The following GPR179 variants were observed in gnomAD, a reference collection of about 807,000 sequenced individuals.
The protein encoded by GPR179 is G protein-coupled receptor 179, also known as probable G protein-coupled receptor 179.
Under a neutral mutation model 70.8 loss-of-function variants are expected in GPR179, and 52 were observed. The observed-to-expected ratio is 0.73, with a 90% CI of 0.59 to 0.93. The LOEUF is 0.93. Among genes scored for constraint, GPR179 ranks in the 40% least tolerant of loss-of-function variants. The probability of loss-of-function intolerance (pLI) is 0.00; values close to 1 mark genes in which losing one functional copy is unlikely to be tolerated. For missense variants in GPR179, 2,734 were observed against 2,966.8 expected, an observed-to-expected ratio of 0.92 and a Z score of 1.82; for synonymous variants, 1,123 against 1,169.0, an observed-to-expected ratio of 0.96 and a Z score of 0.80.
At chr17:38,337,799 G>T (rs930338647) in intron 2 of GPR179, 79 bp from the exon 3 acceptor site, 3 of 1,210,468 alleles carry the variant, frequency 2.5e-6, no homozygotes, top group Non-Finnish European at 2.4e-6. Context: ...GAGATGGAGG[G>T]TCCATCTACC....
chr17:38,330,024 C>T lies in GPR179; in HGVS notation c.3545G>A (p.Arg1182Lys), dbSNP rs746778233. Residue 1182 changes from arginine to lysine, a missense_variant, in exon 11 of 11, where the codon AGG becomes AAG. Physicochemically the swap from Arg to Lys is conservative, Grantham distance 26. Transcript: ENST00000616987. ...GSREQEDRGR[R>K]MTQGLGERKA... ...CCGTTCCCCTAGACCCTGGGTCATCCTCCTGCCTCTGTCTTCTTGTTCCCT... is the reference window on the plus strand; with the variant it reads ...CCGTTCCCCTAGACCCTGGGTCATCTTCCTGCCTCTGTCTTCTTGTTCCCT... 1.9e-6 allele frequency: 3 copies of T among 1,614,128 alleles called. No homozygotes were observed. In the African/African-American group the frequency reaches 4.0e-5, roughly 22 times the overall value.
In GPR179 at chr17:38,333,965, T is replaced by C. The variant is rs1260477976; in HGVS notation, c.1858A>G (p.Thr620Ala). The C allele has an allele frequency of 3.1e-6, 5 of 1,613,386 alleles. No homozygotes were observed. The highest frequency in any genetic ancestry group is 2.2e-5 in the South Asian group (2 of 90,996). The stretch of plus-strand genomic sequence containing the variant: ...ATGAAGATCAGAGCCAGCGTGGTGG[T>C]GACTGTGCTGTGGGTGTGGAAGAAG... Reference protein sequence around the residue: ...LFFFHTHSTVTTTLALIFIPK... With the variant: ...LFFFHTHSTVATTLALIFIPK... The change falls in exon 9 of 11, where the codon ACC becomes GCC. Residue 620 changes from threonine to alanine, a missense_variant. Transcript: ENST00000616987.
chr17:38,325,639 G>A lies in GPR179; in HGVS notation c.*826C>T, dbSNP rs1412694962. ...GAGAGCTAGGGCAGGAAGAGGGGGAGACCCCCTAAAAAACTAGCAAGAGGC... is the reference window on the plus strand; with the variant it reads ...GAGAGCTAGGGCAGGAAGAGGGGGAAACCCCCTAAAAAACTAGCAAGAGGC... On this transcript the variant is annotated 3_prime_UTR_variant, in exon 11 of 11. Transcript: ENST00000616987. 6.6e-6 allele frequency: 1 copy of A among 152,318 alleles called. No homozygotes were observed. The highest frequency in any genetic ancestry group is 2.4e-5 in the African/African-American group (1 of 41,448). 9.4% of individuals were successfully genotyped at this position (152,318 alleles called of 1,614,324 possible). A position where few individuals can be genotyped will look rare whatever the true frequency, so the allele number is the denominator to read the frequency against.
In GPR179 at chr17:38,335,143, G is replaced by T. The variant is rs1428599850; in HGVS notation, c.1535C>A (p.Ala512Asp). The T allele has an allele frequency of 1.3e-6, 2 of 1,594,400 alleles. No homozygotes were observed. The highest frequency in any genetic ancestry group is 2.3e-5 in the South Asian group (2 of 88,630). Reference sequence around the variant, plus strand: ...TGCGTGCTGGATGCCTCGCTCCAGGGCGCCCACGGTCCACACAGCCAGGAA... The same window carrying T: ...TGCGTGCTGGATGCCTCGCTCCAGGTCGCCCACGGTCCACACAGCCAGGAA... The part of the protein sequence containing the change: ...LGFLAVWTVG[A>D]LERGIQHAPL... Residue 512 changes from alanine to aspartate, a missense_variant, in exon 7 of 11, where the codon GCC becomes GAC. Transcript: ENST00000616987.
chr17:38,338,884 G>A (rs1267724495), intron 2 of GPR179, among the ~76,000 whole-genome samples: 1 of 152,198 alleles, frequency 6.6e-6, no homozygotes, highest in Non-Finnish European at 1.5e-5. Flanking sequence ...CCTGCATCTG[G>A]CCCAGGTTCC....
intron 1 of GPR179, 63 bp from the exon 2 acceptor site, chr17:38,339,588 G>T: frequency 8.7e-7 from 1 of 1,149,674 alleles, no homozygotes; most frequent in Non-Finnish European, 1.3e-6. Flanking sequence ...GTGTGTCCCT[G>T]GGCGTTGTTG....
Position 38,337,673 on chromosome 17 carries a change from G to A in GPR179, c.951C>T (p.Cys317=). 2.5e-6 allele frequency: 4 copies of A among 1,613,560 alleles called. No homozygotes were observed. The highest frequency in any genetic ancestry group is 1.1e-5 in the South Asian group (1 of 91,014). The part of the protein sequence containing the change: ...SQGFVLGRYL[C]RCRPGFYGAS... ...CCCCGTAGAATCCAGGTCGGCAGCG[G>A]CAGAGGTAGCGGCCAAGAACAAAGC... The change falls in exon 3 of 11, where the codon TGC becomes TGT. Residue 317 remains cysteine, a synonymous_variant. Transcript: ENST00000616987.
In GPR179 at chr17:38,331,075, C is replaced by T. The variant is rs2037353333; in HGVS notation, c.2494G>A (p.Ala832Thr). 1 of 1,599,546 alleles carries T rather than the reference C, an allele frequency of 6.3e-7. No individual in the cohort carries two copies. Among genetic ancestry groups the T allele is most frequent in the Admixed American group, 1.7e-5 (1 of 59,644 alleles). Residue 832 changes from alanine (A) to threonine (T), a missense_variant, in exon 11 of 11, where the codon GCC (alanine) becomes ACC (threonine). Coordinates refer to ENST00000616987, the MANE Select transcript of GPR179 (RefSeq NM_001004334.4). The part of the protein sequence containing the change: ...NLTVGERLPR[A>T]RPASLQKSLS... ...GACTTCTGCAGAGAGGCGGGCCGGG[C>T]TCTGGGTAGCCTCTCTCCCACCGTC...
rs773436871 is a variant in GPR179 at position 38,343,423 on chromosome 17, C to A, written c.367G>T (p.Val123Leu). ...TGGTACCATTCCACATCCTCCTCCA[C>A]ACTGGACTCACGGATGTCGTTGGCT... ...LQANDIRESS[V>L]EEDVEWYQAL... Residue 123 changes from valine to leucine, a missense_variant, in exon 1 of 11, where the codon GTG becomes TTG. By Grantham distance (32) the Val-to-Leu change is conservative. Coordinates refer to ENST00000616987, the MANE Select transcript of GPR179 (RefSeq NM_001004334.4). The surrounding 1 kb of genome is among the most constrained non-coding windows in gnomAD (Gnocchi z 4.2). 1 of 1,614,196 alleles carries A rather than the reference C, an allele frequency of 6.2e-7. No individual in the cohort carries two copies. Among genetic ancestry groups the A allele is most frequent in the Non-Finnish European group, 8.5e-7 (1 of 1,180,044 alleles).
chr17:38,339,966 G>C (rs1452213307), intron 1 of GPR179, among the ~76,000 whole-genome samples: 2 of 152,224 alleles, frequency 1.3e-5, no homozygotes, highest in African/African-American at 2.4e-5. Context: ...CTGGGAGGAA[G>C]GATGCTACAT....
At chr17:38,339,351 G>C in intron 2 of GPR179, 66 bp downstream of exon 2, 1 of 975,632 alleles carries the variant, frequency 1.0e-6, no homozygotes, top group Non-Finnish European at 1.6e-6. Flanking sequence ...GCTGCATGGT[G>C]GCGGTGATGG....
At position 38,334,007 on chromosome 17, in the gene GPR179, A is replaced by G; in HGVS notation, c.1816T>C (p.Trp606Arg). The change falls in exon 9 of 11, where the codon TGG becomes CGG. Residue 606 changes from tryptophan (W) to arginine (R), a missense_variant. Physicochemically the swap from Trp to Arg is moderately radical, Grantham distance 101. Transcript: ENST00000616987. This position sits in a 1 kb window ranked among gnomAD's most constrained non-coding sequence, Gnocchi z 4.7. ...FVLVPSLHPD[W>R]TLLLFFFHTH... ...TGGAAGAAGAAGAGGAGGAGGGTCC[A>G]GTCCGGGTGCAGAGAGGGAACCAGC... is the stretch of plus-strand genomic sequence containing the variant. 6.2e-7 allele frequency: 1 copy of G among 1,613,996 alleles called. No individual in the cohort carries two copies. Among genetic ancestry groups the G allele is most frequent in the Non-Finnish European group, 8.5e-7 (1 of 1,179,930 alleles).
rs745801819 is a variant in GPR179 at position 38,326,756 on chromosome 17, A to C, written c.6813T>G (p.Pro2271=). 2 of 1,614,214 alleles carry C rather than the reference A, an allele frequency of 1.2e-6. No homozygotes were observed. The highest frequency in any genetic ancestry group is 8.5e-7 in the Non-Finnish European group (1 of 1,180,034). Reference sequence around the variant, plus strand: ...GGACTAAAAGGCATAGTGGTTTTTCAGGAGCTGTGGGGAAAAATTCTCTCC... The same window carrying C: ...GGACTAAAAGGCATAGTGGTTTTTCCGGAGCTGTGGGGAAAAATTCTCTCC... ...ATRREFFPTA[P]EKPLCLLVHG... is the part of the protein sequence containing the mutation. Residue 2271 remains proline, a synonymous_variant, in exon 11 of 11, where the codon CCT becomes CCG. Coordinates refer to ENST00000616987, the MANE Select transcript of GPR179 (RefSeq NM_001004334.4).
At chr17:38,336,900 A>G (rs1269917866) in intron 4 of GPR179, 78 bp downstream of exon 4, 1 of 1,409,458 alleles carries the variant, frequency 7.1e-7, no homozygotes, top group Admixed American at 2.3e-5. Context: ...TTTCTCCTAA[A>G]TTCTGGTCTT....
Position 38,330,263 on chromosome 17 carries a change from T to G in GPR179, c.3306A>C (p.Arg1102Ser). ...GACTCTCCTCCACACTCTCCTTCTCTCTGTAGGTGCTCCGAGAACGGGTCA... is the reference window on the plus strand; with the variant it reads ...GACTCTCCTCCACACTCTCCTTCTCGCTGTAGGTGCTCCGAGAACGGGTCA... Reference protein sequence around the residue: ...KALTRSRSTYREKESVEESPE... With the variant: ...KALTRSRSTYSEKESVEESPE... Residue 1102 changes from arginine to serine, a missense_variant, in exon 11 of 11, where the codon AGA becomes AGC. By Grantham distance (110) the Arg-to-Ser change is moderately radical. Coordinates refer to ENST00000616987, the MANE Select transcript of GPR179 (RefSeq NM_001004334.4). 1 of 1,599,832 alleles carries G rather than the reference T, an allele frequency of 6.3e-7. No homozygotes were observed. Among genetic ancestry groups the G allele is most frequent in the Non-Finnish European group, 8.5e-7 (1 of 1,171,494 alleles).
At position 38,329,573 on chromosome 17, in the gene GPR179, GGACA is replaced by G; in HGVS notation, c.3992_3995del (p.Leu1331ProfsTer68). 1 of 1,613,802 alleles carries G rather than the reference GGACA, an allele frequency of 6.2e-7. No individual in the cohort carries two copies. The highest frequency in any genetic ancestry group is 8.5e-7 in the Non-Finnish European group (1 of 1,179,972). On this transcript the variant is annotated frameshift_variant, in exon 11 of 11. Coordinates refer to ENST00000616987, the MANE Select transcript of GPR179 (RefSeq NM_001004334.4). LOFTEE classifies it low-confidence loss of function (END_TRUNC). ...CAGGGTCCTGAGGAGCTGACCCAGG[GGACA>G]GACCTCCTCGATCGGCACTCTCCCA...
At chr17:38,335,933 C>T in intron 5 of GPR179, 143 bp downstream of exon 5, 1 of 747,590 alleles carries the variant, frequency 1.3e-6, no homozygotes, top group South Asian at 1.5e-5. Context: ...GACCAGCTTG[C>T]CATTTGTGGG....
Position 38,343,352 on chromosome 17 carries a change from C to T in GPR179, c.438G>A (p.Arg146=). Residue 146 remains arginine (R), a synonymous_variant, in exon 1 of 11, where the codon AGG becomes AGA. Coordinates refer to ENST00000616987, the MANE Select transcript of GPR179 (RefSeq NM_001004334.4). This position sits in a 1 kb window ranked among gnomAD's most constrained non-coding sequence, Gnocchi z 4.2. ...SVAEGDPRVY[R]ALLTFNPPPG... ...GTGGAGGGTTAAAGGTCAGCAAAGC[C>T]CTGTACACTCTTGGGTCCCCCTCGG... The T allele has an allele frequency of 1.2e-6, 2 of 1,614,178 alleles. No homozygotes were observed. Among genetic ancestry groups the T allele is most frequent in the Non-Finnish European group, 1.7e-6 (2 of 1,180,026 alleles).
At chr17:38,340,928 C>CACAA (rs138912325) in intron 1 of GPR179, among the ~76,000 whole-genome samples, 12 of 152,202 alleles carry the variant, frequency 7.9e-5, no homozygotes, top group African/African-American at 1.7e-4. Context: ...AAAACAAACA[C>CACAA]ACAAACAAAC....
Sources: gnomAD v4.1 joint callset for allele counts (sites outside exome capture counted in the v4.1 genomes callset) on GRCh38, gnomAD v4.1.1 for gene constraint, Gnocchi (gnomAD v3.1) non-coding constraint, MANE v1.5 for transcripts, NCBI Gene and HGNC (gene_info 2026-07-23, HGNC 2026-07-21) for gene names.